Variants in CRTAM observed in about 807,000 individuals in gnomAD.
The protein encoded by CRTAM is cytotoxic and regulatory T cell molecule.
CRTAM carries 44 observed loss-of-function variants against 50.0 expected under a neutral mutation model. The ratio of observed to expected loss-of-function variants is 0.88; its 90% CI spans 0.69 to 1.13. CRTAM has a LOEUF of 1.13. Among genes scored for constraint, CRTAM ranks in the 50% most tolerant of loss-of-function variants. CRTAM has a pLI of 0.00. For missense variants in CRTAM, 448 were observed against 457.5 expected (o/e 0.98, Z 0.19); for synonymous variants, 159 against 169.3 (o/e 0.94, Z 0.47).
chr11:122,862,206 A>G (rs1290656202), intron 5 of CRTAM: 1 of 502,810 alleles, frequency 2.0e-6, no homozygotes, highest in Admixed American at 3.3e-5. Flanking sequence ...GAAACAGTGA[A>G]TACTCTTTGC....
intron 5 of CRTAM, among the ~76,000 whole-genome samples, chr11:122,860,757 G>A (rs12281886): frequency 0.19 from 28,760 of 152,026 alleles, 3,255 homozygotes; most frequent in Admixed American, 0.36. Flanking sequence ...AGGCTGGAGC[G>A]CAATGGTGTA....
At chr11:122,844,616 G>C (rs570629330) in intron 1 of CRTAM, among the ~76,000 whole-genome samples, 1 of 152,296 alleles carries the variant, frequency 6.6e-6, no homozygotes, top group Admixed American at 6.5e-5. Context: ...CATTAAGCCA[G>C]TACTTTTCAA....
intron 1 of CRTAM, 145 bp downstream of exon 1, chr11:122,838,737 A>C (rs1467832443): frequency 2.9e-6 from 2 of 686,642 alleles, no homozygotes; most frequent in African/African-American, 3.6e-5. Flanking sequence ...GCCATGCTCA[A>C]ATCATGCATC....
At chr11:122,865,032 T>C (rs1862150875) in intron 7 of CRTAM, among the ~76,000 whole-genome samples, 1 of 151,850 alleles carries the variant, frequency 6.6e-6, no homozygotes, top group South Asian at 2.1e-4. Flanking sequence ...CCCTTTTTTT[T>C]ATATATATAT....
rs762783028 is a variant in CRTAM at position 122,855,776 on chromosome 11, A to T, written c.572A>T (p.Asn191Ile). 6.2e-7 allele frequency: 1 copy of T among 1,614,114 alleles called. No homozygotes were observed. The highest frequency in any genetic ancestry group is 1.1e-5 in the South Asian group (1 of 91,082). Residue 191 changes from asparagine (N) to isoleucine (I), a missense_variant, in exon 5 of 10, where the codon AAT (asparagine) becomes ATT (isoleucine). Asn to Ile is a moderately radical substitution (Grantham distance 149). Transcript: ENST00000227348. The stretch of plus-strand genomic sequence containing the variant: ...CTCATAATCCACACTTATGGCAAAA[A>T]TTCAACGGTGGACTGCATTATCCGA... ...STLIIHTYGK[N>I]STVDCIIRHR...
chr11:122,855,907 T>A (rs763730329), intron 5 of CRTAM, 51 bp downstream of exon 5: 1 of 1,475,428 alleles, frequency 6.8e-7, no homozygotes, highest in Non-Finnish European at 9.4e-7. Context: ...ACTTTAATAT[T>A]ACACTATCAA....
At chr11:122,863,534 C>T (rs978737014) in intron 6 of CRTAM, among the ~76,000 whole-genome samples, 11 of 152,162 alleles carry the variant, frequency 7.2e-5, no homozygotes, top group African/African-American at 2.4e-4. Flanking sequence ...GTTCATAGTT[C>T]TGAGTATCAG....
At chr11:122,867,888 T>C (rs1862199922) in intron 8 of CRTAM, 125 bp from the exon 9 acceptor site, 4 of 659,030 alleles carry the variant, frequency 6.1e-6, no homozygotes, top group Non-Finnish European at 8.0e-6. Context: ...TAATGAGGTA[T>C]GAGTTATGGG....
intron 1 of CRTAM, among the ~76,000 whole-genome samples, chr11:122,840,973 C>A (rs1332858775): frequency 6.6e-6 from 1 of 152,082 alleles, no homozygotes; most frequent in Non-Finnish European, 1.5e-5. Context: ...GAATTTTGAA[C>A]CCTCTGTTTT....
At chr11:122,843,894 G>T (rs1323492746) in intron 1 of CRTAM, among the ~76,000 whole-genome samples, 1 of 152,172 alleles carries the variant, frequency 6.6e-6, no homozygotes, top group Non-Finnish European at 1.5e-5. Flanking sequence ...AGCTGGGTGG[G>T]TCTGTGGCTT....
chr11:122,851,696 T>TA lies in CRTAM; in HGVS notation c.203dup (p.Asn68LysfsTer20), dbSNP rs1197755265. The TA allele has an allele frequency of 1.2e-6, 2 of 1,613,990 alleles. No individual in the cohort carries two copies. The highest frequency in any genetic ancestry group is 2.7e-5 in the African/African-American group (2 of 74,942). On this transcript the variant is annotated frameshift_variant, in exon 3 of 10. Transcript: ENST00000227348. LOFTEE classifies it high-confidence loss of function. ...GCTCTATTTCCCTCTTGTACAGCTT[T>TA]AAAAAATTCCAAATACCAGCTTCTT...
At chr11:122,855,997 C>T (rs7125644) in intron 5 of CRTAM, 141 bp downstream of exon 5, 113,207 of 666,796 alleles carry the variant, frequency 0.17, 10,699 homozygotes, top group East Asian at 0.34. Context: ...AATTCCTGTA[C>T]TGATTGAAAT....
At position 122,865,738 on chromosome 11, in the gene CRTAM, C is replaced by T. The variant is rs566180011; in HGVS notation, c.817+1019C>T. On this transcript the variant is annotated intron_variant, in intron 7 of 9. Transcript: ENST00000227348. ...CAAACAGCACCTTCTCCCACAAAATCAGCTTGTCCAAAGCATCACACAGGC... is the reference window on the plus strand; with the variant it reads ...CAAACAGCACCTTCTCCCACAAAATTAGCTTGTCCAAAGCATCACACAGGC... Among the ~76,000 whole-genome samples the T allele has an allele frequency of 7.2e-5, 11 of 152,320 alleles. No homozygotes were observed. The East Asian group carries it at 2.1e-3, about 29-fold the overall frequency.
intron 3 of CRTAM, among the ~76,000 whole-genome samples, chr11:122,853,306 G>A (rs972553149): frequency 6.6e-6 from 1 of 151,836 alleles, no homozygotes; most frequent in Non-Finnish European, 1.5e-5. Context: ...TCCTGATCTC[G>A]TGATTTGCCT....
At position 122,871,435 on chromosome 11, in the gene CRTAM, C is replaced by A; in HGVS notation, c.*36C>A. On this transcript the variant is annotated 3_prime_UTR_variant, in exon 10 of 10. Transcript: ENST00000227348. ...AATGGAACATGTGATTTCAGGGTTG[C>A]CGCAGTGTCACCTCAGTGGACCAGC... The A allele has an allele frequency of 6.3e-7, 1 of 1,589,638 alleles. No individual in the cohort carries two copies. Among genetic ancestry groups the A allele is most frequent in the Non-Finnish European group, 8.6e-7 (1 of 1,166,564 alleles).
rs907451439 is a variant in CRTAM, at chr11:122,872,357, C to A, written c.*958C>A. 6.6e-6 allele frequency: 1 copy of A among 152,182 alleles called. No homozygotes were observed. The highest frequency in any genetic ancestry group is 2.4e-5 in the African/African-American group (1 of 41,422). The allele number at this position is 152,182 out of a possible 1,614,324, so 9.4% of individuals were successfully genotyped here. ...CCTTGTCTGTCAGATAAGATTTTTA[C>A]CTGGAAATTCCATGACCAATACATG... On this transcript the variant is annotated 3_prime_UTR_variant, in exon 10 of 10. Transcript: ENST00000227348.
At position 122,855,707 on chromosome 11, in the gene CRTAM, A is replaced by C; in HGVS notation, c.503A>C (p.His168Pro). The change falls in exon 5 of 10, where the codon CAT becomes CCT. Residue 168 changes from histidine to proline, a missense_variant. By Grantham distance (77) the His-to-Pro change is moderately conservative (BLOSUM62 -2). Coordinates refer to ENST00000227348, the MANE Select transcript of CRTAM (RefSeq NM_019604.4). ...NSMEVSGGTLHEFETDGKKCN... is the reference protein window; with the variant it reads ...NSMEVSGGTLPEFETDGKKCN... ...AATTGCTACATAGGTGGAACGCTCCATGAATTTGAAACTGATGGGAAGAAA... is the reference window on the plus strand; with the variant it reads ...AATTGCTACATAGGTGGAACGCTCCCTGAATTTGAAACTGATGGGAAGAAA... 6 of 1,614,114 alleles carry C rather than the reference A, an allele frequency of 3.7e-6. No homozygotes were observed. Among genetic ancestry groups the C allele is most frequent in the Non-Finnish European group, 5.1e-6 (6 of 1,179,968 alleles).
rs1862269370 is a variant in CRTAM at position 122,872,528 on chromosome 11, ATG to A, written c.*1130_*1131del. Reference sequence around the variant, plus strand: ...TCCTGTTTTCACGTGTGAAAGTAACATGGGACATGCCTTTCTTTTCCGATCAG... The same window carrying A: ...TCCTGTTTTCACGTGTGAAAGTAACAGGACATGCCTTTCTTTTCCGATCAG... On this transcript the variant is annotated 3_prime_UTR_variant, in exon 10 of 10. Coordinates refer to ENST00000227348, the MANE Select transcript of CRTAM (RefSeq NM_019604.4). 6.6e-6 allele frequency: 1 copy of A among 152,666 alleles called. No individual in the cohort carries two copies. Among genetic ancestry groups the A allele is most frequent in the Non-Finnish European group, 1.5e-5 (1 of 68,048 alleles). The allele number at this position is 152,666 out of a possible 1,614,324, so 9.5% of individuals were successfully genotyped here. A position where few individuals can be genotyped will look rare whatever the true frequency, so the allele number is the denominator to read the frequency against.
intron 9 of CRTAM, among the ~76,000 whole-genome samples, chr11:122,869,576 A>G (rs1862226150): frequency 6.6e-6 from 1 of 152,200 alleles, no homozygotes; most frequent in South Asian, 2.1e-4. Context: ...AGCTAGGACT[A>G]TAGAAAAGCA....
Sources: allele counts gnomAD v4.1 joint callset (sites outside exome capture counted in the v4.1 genomes callset), GRCh38; gene constraint gnomAD v4.1.1; transcripts MANE v1.5; gene names NCBI Gene and HGNC (gene_info 2026-07-23, HGNC 2026-07-21).